The following GPATCH8 variants were observed in gnomAD, a reference collection of about 807,000 sequenced individuals.
The protein encoded by GPATCH8 is G patch domain-containing protein 8.
In GPATCH8, 18 loss-of-function variants were observed where a neutral mutation model predicts 118.3. The observed-to-expected ratio is 0.15, with a 90% CI of 0.11 to 0.23. GPATCH8 has a LOEUF of 0.23. Among genes scored for constraint, GPATCH8 ranks in the 10% least tolerant of loss-of-function variants. The pLI is 1.00. For missense variants in GPATCH8, 1,631 were observed against 1,873.8 expected (o/e 0.87, Z 2.39); for synonymous variants, 659 against 684.7 (o/e 0.96, Z 0.59).
At chr17:44,431,153 T>C (rs1251896689) in intron 5 of GPATCH8, among the ~76,000 whole-genome samples, 2 of 151,070 alleles carry the variant, frequency 1.3e-5, no homozygotes, top group African/African-American at 4.9e-5. Flanking sequence ...GGCGGATCAC[T>C]TGAGGTCAGG....
At position 44,399,705 on chromosome 17, in the gene GPATCH8, G is replaced by C. The variant is rs2048935697; in HGVS notation, c.2372C>G (p.Pro791Arg). 3.7e-6 allele frequency: 6 copies of C among 1,614,122 alleles called. No homozygotes were observed. Among genetic ancestry groups the C allele is most frequent in the Non-Finnish European group, 5.1e-6 (6 of 1,179,988 alleles). ...HGGRKHKGELPPSSCQRRAGT... is the reference protein window; with the variant it reads ...HGGRKHKGELRPSSCQRRAGT... ...TGCTCTTCGCTGGCAGGATGAAGGT[G>C]GAAGTTCACCTTTGTGTTTCCTCCC... The change falls in exon 8 of 8, where the codon CCA becomes CGA. Residue 791 changes from proline to arginine, a missense_variant. Coordinates refer to ENST00000591680, the MANE Select transcript of GPATCH8 (RefSeq NM_001002909.4).
intron 1 of GPATCH8, among the ~76,000 whole-genome samples, chr17:44,501,117 A>T (rs1970028378): frequency 6.6e-6 from 1 of 152,146 alleles, no homozygotes; most frequent in Non-Finnish European, 1.5e-5. Flanking sequence ...GGACATCTGA[A>T]TTTTAAAAAC....
intron 3 of GPATCH8, among the ~76,000 whole-genome samples, chr17:44,456,599 T>C (rs563451958): frequency 3.7e-4 from 57 of 152,042 alleles, no homozygotes; most frequent in South Asian, 2.3e-3. Flanking sequence ...CTGTACAACA[T>C]AGAAAGACCT....
At chr17:44,416,855 G>A (rs943072713) in intron 6 of GPATCH8, among the ~76,000 whole-genome samples, 17 of 152,108 alleles carry the variant, frequency 1.1e-4, no homozygotes, top group African/African-American at 3.9e-4. Context: ...TTAAAGCTCA[G>A]GGAACTACTG....
chr17:44,424,549 G>A (rs1009246206), intron 5 of GPATCH8, 57 bp from the exon 6 acceptor site: 16 of 1,245,026 alleles, frequency 1.3e-5, no homozygotes, highest in Admixed American at 1.7e-5. Context: ...AACTTTAAGT[G>A]AATGTTATAG....
In GPATCH8 at chr17:44,397,834, G is replaced by A; in HGVS notation, c.4243C>T (p.Pro1415Ser). 3 of 1,594,692 alleles carry A rather than the reference G, an allele frequency of 1.9e-6. No homozygotes were observed. The highest frequency in any genetic ancestry group is 1.7e-6 in the Non-Finnish European group (2 of 1,167,244). ...TGAGTGAGGTGGGACAAAGAAATGG[G>A]GGTCAGATGGGGCTGGGGAATATGA... Reference protein sequence around the residue: ...VHHIPQPHLTPISLSHLTHSI... With the variant: ...VHHIPQPHLTSISLSHLTHSI... Residue 1415 changes from proline (P) to serine (S), a missense_variant, in exon 8 of 8, where the codon CCC becomes TCC. Physicochemically the swap from Pro to Ser is moderately conservative, Grantham distance 74. Transcript: ENST00000591680.
chr17:44,471,768 G>A (rs777527015), intron 2 of GPATCH8, among the ~76,000 whole-genome samples: 1 of 151,550 alleles, frequency 6.6e-6, no homozygotes, highest in Admixed American at 6.6e-5. Flanking sequence ...CAGGTGATAA[G>A]GGACTTCTTT....
intron 6 of GPATCH8, chr17:44,409,248 A>T (rs548011012): frequency 6.6e-6 from 1 of 152,274 alleles, no homozygotes; most frequent in South Asian, 2.1e-4. Flanking sequence ...CTTAGTGCAG[A>T]CACCCAATCA....
At position 44,474,798 on chromosome 17, in the gene GPATCH8, A is replaced by G. The variant is rs768632359; in HGVS notation, c.120+31T>C. 6.0e-6 allele frequency: 7 copies of G among 1,164,334 alleles called. No homozygotes were observed. In the African/African-American group the frequency reaches 9.0e-5, roughly 15 times the overall value. The allele number at this position is 1,164,334 out of a possible 1,614,324, so 72.1% of individuals were successfully genotyped here. On this transcript the variant is annotated intron_variant, in intron 2 of 7. Transcript: ENST00000591680. ...ACGAACACTACCTAACTAACTAGCT[A>G]AGACCCGAAATTAAGCACTGATTAT... is the stretch of plus-strand genomic sequence containing the variant.
chr17:44,453,195 A>G (rs2051181365), intron 3 of GPATCH8, among the ~76,000 whole-genome samples: 1 of 152,174 alleles, frequency 6.6e-6, no homozygotes, highest in Admixed American at 6.5e-5. Flanking sequence ...TTGGCTTACA[A>G]AATACAATTC....
intron 1 of GPATCH8, among the ~76,000 whole-genome samples, chr17:44,481,540 G>A (rs1327663282): frequency 6.6e-6 from 1 of 152,168 alleles, no homozygotes; most frequent in East Asian, 1.9e-4. Context: ...ATCAGTGATT[G>A]TCAGAAGCTA....
chr17:44,470,128 C>A (rs940236075), intron 2 of GPATCH8, among the ~76,000 whole-genome samples: 11 of 152,182 alleles, frequency 7.2e-5, no homozygotes, highest in African/African-American at 1.9e-4. Context: ...GCACTTCCAA[C>A]CACAACAGTA....
At chr17:44,435,736 T>C (rs1598483367) in intron 4 of GPATCH8, among the ~76,000 whole-genome samples, 1 of 140,662 alleles carries the variant, frequency 7.1e-6, no homozygotes, top group Non-Finnish European at 1.5e-5. Flanking sequence ...TCTTTGAAAA[T>C]TGAGGCTGGG....
At chr17:44,498,386 C>T (rs1181893228) in intron 1 of GPATCH8, among the ~76,000 whole-genome samples, 1 of 152,166 alleles carries the variant, frequency 6.6e-6, no homozygotes, top group Non-Finnish European at 1.5e-5. Context: ...CAGTTCTTCC[C>T]AACCCCAATC....
intron 7 of GPATCH8, 23 bp downstream of exon 7, chr17:44,405,898 C>T: frequency 6.6e-7 from 1 of 1,520,756 alleles, no homozygotes; most frequent in African/African-American, 1.4e-5. Flanking sequence ...TCTGTACAAC[C>T]CTCTGATAAA....
chr17:44,399,570 T>C lies in GPATCH8; in HGVS notation c.2507A>G (p.Tyr836Cys). 6.2e-7 allele frequency: 1 copy of C among 1,614,148 alleles called. No homozygotes were observed. Residue 836 changes from tyrosine to cysteine, a missense_variant, in exon 8 of 8, where the codon TAC becomes TGC. This residue lies in a region of GPATCH8 where 922 missense variants were observed against 879.7 expected (regional missense o/e 1.05). Coordinates refer to ENST00000591680, the MANE Select transcript of GPATCH8 (RefSeq NM_001002909.4). ...HRLHQKSPSQ[Y>C]SEEEEEEDSG... is the part of the protein sequence containing the mutation. ...ATCTTCCTCTTCTTCTTCCTCACTG[T>C]ACTGGGATGGAGACTTCTGGTGCAG...
chr17:44,432,363 C>T (rs2050349825), intron 5 of GPATCH8, among the ~76,000 whole-genome samples: 1 of 151,878 alleles, frequency 6.6e-6, no homozygotes, highest in Non-Finnish European at 1.5e-5. Context: ...TAAAAACATA[C>T]GGGAAGGCAG....
chr17:44,487,902 AC>A (rs1968906813), intron 1 of GPATCH8, among the ~76,000 whole-genome samples: 1 of 150,574 alleles, frequency 6.6e-6, no homozygotes, highest in South Asian at 2.1e-4. Flanking sequence ...TTTTGTGTTA[AC>A]GTTAAAGAAA....
intron 3 of GPATCH8, among the ~76,000 whole-genome samples, chr17:44,443,513 T>C (rs2050772675): frequency 1.3e-5 from 2 of 152,136 alleles, no homozygotes; most frequent in South Asian, 4.1e-4. Context: ...ATTGAGCACA[T>C]TACTTAATCC....
Sources: allele counts gnomAD v4.1 joint callset (sites outside exome capture counted in the v4.1 genomes callset), GRCh38; gene constraint gnomAD v4.1.1; regional missense constraint gnomAD v4.1.1; transcripts MANE v1.5; gene names NCBI Gene and HGNC (gene_info 2026-07-23, HGNC 2026-07-21).